Variants in FHIT observed in about 807,000 individuals in gnomAD.
The protein encoded by FHIT is bis(5'-adenosyl)-triphosphatase.
In FHIT, 19 loss-of-function variants were observed where a neutral mutation model predicts 17.9. The ratio of observed to expected loss-of-function variants is 1.06; its 90% confidence interval spans 0.74 to 1.56. FHIT has a LOEUF of 1.56. Ranked by LOEUF, FHIT falls within the 40% of genes most tolerant of loss-of-function variation. The pLI, the probability that FHIT is intolerant of heterozygous loss-of-function variation, is 0.00. For missense variants in FHIT, 248 were observed against 189.2 expected (o/e 1.31, Z -1.82); for synonymous variants, 81 against 69.7 (o/e 1.16, Z -0.81).
intron 5 of FHIT, among the ~76,000 whole-genome samples, chr3:60,485,170 T>C (rs2033782720): frequency 6.6e-6 from 1 of 152,160 alleles, no homozygotes; most frequent in African/African-American, 2.4e-5. Context: ...CTGGTGAGGC[T>C]GTGGAGAAAT....
At chr3:60,580,299 C>T (rs988227823) in intron 4 of FHIT, among the ~76,000 whole-genome samples, 2 of 151,912 alleles carry the variant, frequency 1.3e-5, no homozygotes, top group South Asian at 4.2e-4. Context: ...TACTACATGC[C>T]CTGTTAAAGA....
chr3:60,454,600 G>A (rs1161488941), intron 5 of FHIT, among the ~76,000 whole-genome samples: 1 of 151,846 alleles, frequency 6.6e-6, no homozygotes, highest in East Asian at 1.9e-4. Flanking sequence ...TAGCCAGGAT[G>A]GTCTCAATCT....
chr3:60,904,632 C>T (rs1047403831), intron 3 of FHIT, among the ~76,000 whole-genome samples: 1 of 151,970 alleles, frequency 6.6e-6, no homozygotes, highest in Non-Finnish European at 1.5e-5. Context: ...AAGCTCCAAT[C>T]ACCCTAATAT....
At chr3:60,839,708 T>C (rs940260458) in intron 3 of FHIT, among the ~76,000 whole-genome samples, 3 of 152,086 alleles carry the variant, frequency 2.0e-5, no homozygotes, top group Admixed American at 6.6e-5. Context: ...CCCTCTCCCG[T>C]TTATTATGCT....
At chr3:60,062,131 C>T (rs1390022895) in intron 5 of FHIT, among the ~76,000 whole-genome samples, 2 of 152,102 alleles carry the variant, frequency 1.3e-5, no homozygotes, top group Non-Finnish European at 2.9e-5. Flanking sequence ...TTTCAGACCT[C>T]CAAAAGATCA....
At chr3:60,248,421 C>T (rs1432151485) in intron 5 of FHIT, among the ~76,000 whole-genome samples, 1 of 152,050 alleles carries the variant, frequency 6.6e-6, no homozygotes, top group Admixed American at 6.6e-5. Flanking sequence ...TAATATTTCC[C>T]CTTCAGGGTG....
intron 5 of FHIT, among the ~76,000 whole-genome samples, chr3:60,197,440 C>A (rs1702700223): frequency 6.6e-6 from 1 of 152,170 alleles, no homozygotes. Context: ...ATGTGCCTTG[C>A]ATTATATTTA....
At chr3:60,395,191 T>TA (rs1420544588) in intron 5 of FHIT, among the ~76,000 whole-genome samples, 1 of 152,164 alleles carries the variant, frequency 6.6e-6, no homozygotes, top group African/African-American at 2.4e-5. Context: ...GTGAAGCTGA[T>TA]AATTTCTGCA....
At chr3:61,125,085 G>C (rs2036569913) in intron 2 of FHIT, among the ~76,000 whole-genome samples, 1 of 152,084 alleles carries the variant, frequency 6.6e-6, no homozygotes, top group Admixed American at 6.6e-5. Context: ...GGTTAATGTA[G>C]TACAAAAGAA....
intron 4 of FHIT, among the ~76,000 whole-genome samples, chr3:60,736,823 G>GA (rs1284376840): frequency 6.6e-6 from 1 of 151,780 alleles, no homozygotes; most frequent in African/African-American, 2.4e-5. Context: ...ATATCTTATA[G>GA]AAAAAAAATG....
chr3:61,062,345 C>T (rs1406285885), intron 2 of FHIT, among the ~76,000 whole-genome samples: 2 of 152,124 alleles, frequency 1.3e-5, no homozygotes, highest in African/African-American at 4.8e-5. Context: ...TTACTAGGAT[C>T]TACTTTATCT....
chr3:61,132,279 T>C (rs1224875461), intron 2 of FHIT, among the ~76,000 whole-genome samples: 3 of 152,238 alleles, frequency 2.0e-5, no homozygotes, highest in African/African-American at 7.2e-5. Context: ...AGATCACCAG[T>C]TCTCAGAAAA....
rs192548403 is a variant in FHIT at position 60,261,714 on chromosome 3, T to C, written c.104-247562A>G. ...ACTGATGACGTTCAGGACACCCCACTTTGGCACTGGAGGAAACAGCAGAAG... is the reference window on the plus strand; with the variant it reads ...ACTGATGACGTTCAGGACACCCCACCTTGGCACTGGAGGAAACAGCAGAAG... On this transcript the variant is annotated intron_variant, in intron 5 of 9. Coordinates refer to ENST00000492590, the MANE Select transcript of FHIT (RefSeq NM_002012.4). Among the ~76,000 whole-genome samples the C allele has an allele frequency of 2.0e-5, 3 of 152,090 alleles. No homozygotes were observed. The East Asian group carries it at 5.8e-4, about 29-fold the overall frequency.
intron 2 of FHIT, among the ~76,000 whole-genome samples, chr3:61,060,022 C>T (rs1159347776): frequency 1.3e-5 from 2 of 151,844 alleles, no homozygotes; most frequent in African/African-American, 2.4e-5. Context: ...GTGAGTGGGT[C>T]CTGCAATGGG....
At chr3:60,174,920 C>T (rs1701599771) in intron 5 of FHIT, among the ~76,000 whole-genome samples, 1 of 152,080 alleles carries the variant, frequency 6.6e-6, no homozygotes, top group South Asian at 2.1e-4. Flanking sequence ...ACATTTGAGT[C>T]ACTACAGCAG....
intron 5 of FHIT, among the ~76,000 whole-genome samples, chr3:60,423,082 A>G (rs1018163289): frequency 6.6e-6 from 1 of 152,178 alleles, no homozygotes; most frequent in Non-Finnish European, 1.5e-5. Flanking sequence ...GACATACCCA[A>G]CGGAACAGGC....
At chr3:60,173,287 G>T (rs535635173) in intron 5 of FHIT, among the ~76,000 whole-genome samples, 5 of 152,288 alleles carry the variant, frequency 3.3e-5, no homozygotes, top group Non-Finnish European at 7.4e-5. Context: ...CACCTGGGAA[G>T]AAGGCAACCT....
intron 5 of FHIT, among the ~76,000 whole-genome samples, chr3:60,308,923 G>C (rs1708810885): frequency 6.6e-6 from 1 of 152,202 alleles, no homozygotes; most frequent in Non-Finnish European, 1.5e-5. Context: ...GTTATCCACA[G>C]CTGGGGCCAC....
intron 1 of FHIT, among the ~76,000 whole-genome samples, chr3:61,226,149 T>C (rs1320105314): frequency 1.3e-5 from 2 of 152,180 alleles, no homozygotes; most frequent in South Asian, 2.1e-4. Flanking sequence ...CCTAGTCCCA[T>C]GGGATGTGCC....
Sources: allele counts gnomAD v4.1 joint callset (sites outside exome capture counted in the v4.1 genomes callset), GRCh38; gene constraint gnomAD v4.1.1; transcripts MANE v1.5; gene names NCBI Gene and HGNC (gene_info 2026-07-23, HGNC 2026-07-21).